Variants in HNRNPL observed in about 807,000 individuals in gnomAD.
HNRNPL encodes the protein epididymis secretory sperm binding protein.
In HNRNPL, 12 loss-of-function variants were observed where a neutral mutation model predicts 64.0. The observed-to-expected ratio is 0.19, with a 90% CI of 0.12 to 0.30. The LOEUF is 0.30. Among genes scored for constraint, HNRNPL ranks in the 10% least tolerant of loss-of-function variants. HNRNPL has a pLI of 1.00. For missense variants in HNRNPL, 484 were observed against 797.4 expected (o/e 0.61, Z 4.73); for synonymous variants, 385 against 313.0 (o/e 1.23, Z -2.43).
rs1036155396 is a variant in HNRNPL at position 38,849,601 on chromosome 19, C to A, written c.267+99G>T. 23 of 1,277,434 alleles carry A rather than the reference C, an allele frequency of 1.8e-5. No individual in the cohort carries two copies. The African/African-American group carries it at 3.1e-4, about 17-fold the overall frequency. The allele number at this position is 1,277,434 out of a possible 1,614,324, so 79.1% of individuals were successfully genotyped here. A position where few individuals can be genotyped will look rare whatever the true frequency, so the allele number is the denominator to read the frequency against. On this transcript the variant is annotated intron_variant, in intron 1 of 12. Coordinates refer to ENST00000221419, the MANE Select transcript of HNRNPL (RefSeq NM_001533.3). The stretch of plus-strand genomic sequence containing the variant: ...ACCGTCAACGACGCGATGGCCTGGG[C>A]GCGTGCGCAGAGGCCCCCCTCAAAA...
intron 2 of HNRNPL, among the ~76,000 whole-genome samples, chr19:38,846,999 C>T (rs1972319587): frequency 6.6e-6 from 1 of 152,148 alleles, no homozygotes; most frequent in African/African-American, 2.4e-5. Context: ...CAGGCCGAGG[C>T]AGAAGGACTG....
chr19:38,846,021 G>A lies in HNRNPL; in HGVS notation c.456C>T (p.Asn152=), dbSNP rs894438011. ...VEFEDVLGAC[N]AVNYAADNQI... is the part of the protein sequence containing the mutation. The stretch of plus-strand genomic sequence containing the variant: ...GGTTGTCGGCTGCGTAGTTCACTGC[G>A]TTGCAAGCCCCCAACACATCTTCAA... Residue 152 remains asparagine (N), a synonymous_variant, in exon 3 of 13, where the codon AAC becomes AAT. Transcript: ENST00000221419. 12 of 1,614,140 alleles carry A rather than the reference G, an allele frequency of 7.4e-6. No individual in the cohort carries two copies. Among genetic ancestry groups the A allele is most frequent in the Non-Finnish European group, 9.3e-6 (11 of 1,180,026 alleles).
Position 38,849,832 on chromosome 19 carries a change from GCCACCGCCGCCTCCGCCGC to G in HNRNPL, c.116_134del (p.Gly39AlafsTer65). On this transcript the variant is annotated frameshift_variant, in exon 1 of 13. Transcript: ENST00000221419. LOFTEE classifies it high-confidence loss of function. The stretch of plus-strand genomic sequence containing the variant: ...CCTCACTGCCGCCGCCGTAGTAGCG[GCCACCGCCGCCTCCGCCGC>G]CCGCCGCCGCCATCTTCACCATCGC... 8.2e-7 allele frequency: 1 copy of G among 1,222,204 alleles called. No homozygotes were observed. The highest frequency in any genetic ancestry group is 1.1e-6 in the Non-Finnish European group (1 of 876,838). 75.7% of individuals were successfully genotyped at this position (1,222,204 alleles called of 1,614,324 possible). A position where few individuals can be genotyped will look rare whatever the true frequency, so the allele number is the denominator to read the frequency against.
chr19:38,849,593 G>A (rs1972431374), intron 1 of HNRNPL, 107 bp downstream of exon 1: 2 of 1,264,212 alleles, frequency 1.6e-6, no homozygotes, highest in South Asian at 3.0e-5. Flanking sequence ...ACGACGCGAT[G>A]GCCTGGGCGC....
At chr19:38,836,841 C>G in intron 12 of HNRNPL, 61 bp from the exon 13 acceptor site, 2 of 1,322,818 alleles carry the variant, frequency 1.5e-6, no homozygotes, top group Non-Finnish European at 2.2e-6. Context: ...AACCCAGGTC[C>G]CCTCAAGTTT....
intron 10 of HNRNPL, 40 bp downstream of exon 10, chr19:38,838,356 TG>T: frequency 6.5e-7 from 1 of 1,548,438 alleles, no homozygotes; most frequent in Non-Finnish European, 8.9e-7. Flanking sequence ...CAGACGGCCG[TG>T]GCAAGGACCC....
intron 8 of HNRNPL, 91 bp downstream of exon 8, chr19:38,840,005 G>T: frequency 7.8e-7 from 1 of 1,276,536 alleles, no homozygotes; most frequent in Non-Finnish European, 1.1e-6. Context: ...CCCGCCCAGC[G>T]CCACACCAGG....
intron 2 of HNRNPL, among the ~76,000 whole-genome samples, chr19:38,846,825 G>A (rs1406249353): frequency 1.3e-5 from 2 of 152,126 alleles, no homozygotes; most frequent in African/African-American, 2.4e-5. Context: ...GGAGAATGGC[G>A]TGAACCCACG....
At position 38,836,773 on chromosome 19, in the gene HNRNPL, T is replaced by C; in HGVS notation, c.1719A>G (p.Pro573=). 5 of 1,611,832 alleles carry C rather than the reference T, an allele frequency of 3.1e-6. No individual in the cohort carries two copies. Among genetic ancestry groups the C allele is most frequent in the South Asian group, 1.1e-5 (1 of 90,564 alleles). The change falls in exon 13 of 13, where the codon CCA becomes CCG. Residue 573 remains proline (P), a synonymous_variant. Coordinates refer to ENST00000221419, the MANE Select transcript of HNRNPL (RefSeq NM_001533.3). ...NHYQMKNPNG[P]YPYTLKLCFS... ...AACACAACTTCAGAGTGTAAGGGTA[T>C]GGACCATCTGCAAAGGAGAGACAAG...
At chr19:38,837,347 C>T (rs1426192963) in intron 12 of HNRNPL, 37 bp downstream of exon 12, 1 of 1,537,550 alleles carries the variant, frequency 6.5e-7, no homozygotes, top group Non-Finnish European at 9.0e-7. Context: ...CCCATTAGGT[C>T]ACCAGGTTGA....
intron 6 of HNRNPL, chr19:38,843,334 G>C (rs569807725): frequency 6.2e-6 from 1 of 162,300 alleles, no homozygotes; most frequent in Admixed American, 5.7e-5. Flanking sequence ...TGTGAGGCAT[G>C]TCCGCCCTGG....
Position 38,838,516 on chromosome 19 carries a change from A to T in HNRNPL, c.1438T>A (p.Ser480Thr). The change falls in exon 10 of 13, where the codon TCC (serine) becomes ACC (threonine). Residue 480 changes from serine to threonine, a missense_variant. This residue lies in a region of HNRNPL where 53 missense variants were observed against 131.3 expected (regional missense o/e 0.40). Transcript: ENST00000221419. ...GSCSYKDFSESRNNRFSTPEQ... is the reference protein window; with the variant it reads ...GSCSYKDFSETRNNRFSTPEQ... ...GGGGTGGAGAACCGATTGTTCCGGG[A>T]TTCACTGAAGTCTTTGTAACTGCAA... The T allele has an allele frequency of 6.2e-7, 1 of 1,614,088 alleles. No individual in the cohort carries two copies. Among genetic ancestry groups the T allele is most frequent in the Non-Finnish European group, 8.5e-7 (1 of 1,180,008 alleles).
chr19:38,851,814 C>A (rs549723597), upstream of HNRNPL, among the ~76,000 whole-genome samples: 1 of 152,162 alleles, frequency 6.6e-6, no homozygotes, highest in South Asian at 2.1e-4. Flanking sequence ...GGTGGCTCTG[C>A]CGGTGAGGGG....
At chr19:38,851,432 G>A (rs752770080), upstream of HNRNPL, among the ~76,000 whole-genome samples, 3 of 152,190 alleles carry the variant, frequency 2.0e-5, no homozygotes, top group African/African-American at 4.8e-5. Context: ...CGCAGGGTGT[G>A]GGGGGGAACA....
At position 38,849,709 on chromosome 19, in the gene HNRNPL, G is replaced by A. The variant is rs1261653976; in HGVS notation, c.258C>T (p.Gly86=). The part of the protein sequence containing the change: ...GGGGAGAAGG[G]GGGENYDDPH... ...AGGGCCCTGGCCTCACCCCACCGCC[G>A]CCGCCGCCCGCCGCCCCGGCTCCTC... The change falls in exon 1 of 13, where the codon GGC becomes GGT. Residue 86 remains glycine, a synonymous_variant. Coordinates refer to ENST00000221419, the MANE Select transcript of HNRNPL (RefSeq NM_001533.3). The A allele has an allele frequency of 5.9e-6, 8 of 1,358,954 alleles. No individual in the cohort carries two copies. The East Asian group carries it at 9.2e-5, about 16-fold the overall frequency. The allele number at this position is 1,358,954 out of a possible 1,614,324, so 84.2% of individuals were successfully genotyped here.
intron 2 of HNRNPL, among the ~76,000 whole-genome samples, chr19:38,846,662 A>G (rs909304895): frequency 1.2e-4 from 18 of 152,308 alleles, no homozygotes; most frequent in Admixed American, 5.2e-4. Context: ...TAATCCTAGC[A>G]CTTTGGGAGG....
intron 6 of HNRNPL, among the ~76,000 whole-genome samples, chr19:38,843,028 G>A (rs1031732137): frequency 6.6e-6 from 1 of 152,192 alleles, no homozygotes; most frequent in South Asian, 2.1e-4. Flanking sequence ...CCTGCCCACT[G>A]CTTCCCAGAT....
At chr19:38,837,352 G>C (rs997052909) in intron 12 of HNRNPL, 32 bp downstream of exon 12, 17 of 1,565,462 alleles carry the variant, frequency 1.1e-5, no homozygotes, top group Non-Finnish European at 1.4e-5. Flanking sequence ...TAGGTCACCA[G>C]GTTGATGCCT....
rs60869318 is a variant in HNRNPL at position 38,848,071 on chromosome 19, A to C, written c.268-637T>G. Among the ~76,000 whole-genome samples, 466 of 152,114 alleles carry C rather than the reference A, an allele frequency of 3.1e-3. 3 individuals carry two copies. The highest frequency in any genetic ancestry group is 0.011 in the African/African-American group (435 of 41,396). Reference sequence around the variant, plus strand: ...GGAAATTACTGCCTAGGTCAGACTAAGAAAAACCAGACAAGAAAAGTCTTT... The same window carrying C: ...GGAAATTACTGCCTAGGTCAGACTACGAAAAACCAGACAAGAAAAGTCTTT... On this transcript the variant is annotated intron_variant, in intron 1 of 12. Transcript: ENST00000221419.
Sources: allele counts gnomAD v4.1 joint callset (sites outside exome capture counted in the v4.1 genomes callset), GRCh38; gene constraint gnomAD v4.1.1; regional missense constraint gnomAD v4.1.1; transcripts MANE v1.5; gene names NCBI Gene and HGNC (gene_info 2026-07-23, HGNC 2026-07-21).